ATP13A5: variants seen among roughly 807,000 people sequenced by gnomAD.
The protein encoded by ATP13A5 is ATPase 13A5, also known as probable cation-transporting ATPase 13A5.
ATP13A5 carries 149 observed loss-of-function variants against 150.2 expected under a neutral mutation model. The observed-to-expected ratio is 0.99, with a 90% confidence interval of 0.87 to 1.14. The LOEUF (loss-of-function observed/expected upper bound fraction) is 1.14, where lower values mean the gene tolerates loss of function less well. Ranked by LOEUF, ATP13A5 falls within the 50% of genes most tolerant of loss-of-function variation. The probability of loss-of-function intolerance (pLI) is 0.00; values close to 1 mark genes in which losing one functional copy is unlikely to be tolerated. For synonymous variants in ATP13A5, 497 were observed against 522.2 expected (o/e 0.95, Z 0.66); for missense variants, 1,383 against 1,449.3 (o/e 0.95, Z 0.74).
chr3:193,331,251 C>G lies in ATP13A5; in HGVS notation c.1333G>C (p.Val445Leu). The change falls in exon 12 of 30, where the codon GTG (valine) becomes CTG (leucine). Residue 445 changes from valine to leucine, a missense_variant. Around this residue, in one of 3 missense-constraint regions of ATP13A5, gnomAD observed 787 missense variants for 771.9 expected, o/e 1.02. Coordinates refer to ENST00000342358, the MANE Select transcript of ATP13A5 (RefSeq NM_198505.4). Reference protein sequence around the residue: ...LILLTVTVPPVLPAALTIGNV... With the variant: ...LILLTVTVPPLLPAALTIGNV... Reference sequence around the variant, plus strand: ...CCTATGGTCAGGGCAGCTGGCAGCACTGGAGGGACAGTCACGGTGAGGAGG... The same window carrying G: ...CCTATGGTCAGGGCAGCTGGCAGCAGTGGAGGGACAGTCACGGTGAGGAGG... 6.2e-7 allele frequency: 1 copy of G among 1,614,048 alleles called. No homozygotes were observed. The highest frequency in any genetic ancestry group is 8.5e-7 in the Non-Finnish European group (1 of 1,179,954).
rs370805790 is a variant in ATP13A5 at position 193,311,925 on chromosome 3, G to T, written c.2336C>A (p.Thr779Asn). Reference sequence around the variant, plus strand: ...CCCACGAGGGGTTGAACTGTTTCCAGTATGCATGTAGATTTCCTAAAATCA... The same window carrying T: ...CCCACGAGGGGTTGAACTGTTTCCATTATGCATGTAGATTTCCTAAAATCA... ...GPGKKEIYMHTGNSSTPRGEG... is the reference protein window; with the variant it reads ...GPGKKEIYMHNGNSSTPRGEG... Residue 779 changes from threonine to asparagine, a missense_variant, in exon 20 of 30, where the codon ACT (threonine) becomes AAT (asparagine). By Grantham distance (65) the Thr-to-Asn change is moderately conservative. Around this residue, in one of 3 missense-constraint regions of ATP13A5, gnomAD observed 568 missense variants for 621.5 expected, o/e 0.91. Coordinates refer to ENST00000342358, the MANE Select transcript of ATP13A5 (RefSeq NM_198505.4). 4 of 1,613,640 alleles carry T rather than the reference G, an allele frequency of 2.5e-6. No individual in the cohort carries two copies. In the African/African-American group the frequency reaches 5.3e-5, roughly 22 times the overall value.
In ATP13A5 at chr3:193,315,076, A is replaced by G; in HGVS notation, c.2054T>C (p.Leu685Ser). The G allele has an allele frequency of 1.2e-6, 2 of 1,613,694 alleles. No individual in the cohort carries two copies. Among genetic ancestry groups the G allele is most frequent in the Non-Finnish European group, 1.7e-6 (2 of 1,179,758 alleles). ...CATGATGAGAAGTCCCAGAAATGTT[A>G]ACTCTGACTCCACTTTTTCTCTTTG... Reference protein sequence around the residue: ...HLAREKVESELTFLGLLIMEN... With the variant: ...HLAREKVESESTFLGLLIMEN... Residue 685 changes from leucine to serine, a missense_variant, in exon 18 of 30, where the codon TTA (leucine) becomes TCA (serine). Around this residue, in one of 3 missense-constraint regions of ATP13A5, gnomAD observed 568 missense variants for 621.5 expected, o/e 0.91. Transcript: ENST00000342358.
At chr3:193,301,044 C>T (rs1019184382) in intron 24 of ATP13A5, among the ~76,000 whole-genome samples, 167 bp downstream of exon 24, 7 of 152,174 alleles carry the variant, frequency 4.6e-5, no homozygotes, top group African/African-American at 1.7e-4. Context: ...ATTTCTAGTT[C>T]CACATTTCAT....
intron 13 of ATP13A5, among the ~76,000 whole-genome samples, chr3:193,325,718 T>G (rs1719444438): frequency 6.6e-6 from 1 of 152,232 alleles, no homozygotes; most frequent in Non-Finnish European, 1.5e-5. Flanking sequence ...CCCCTACTTC[T>G]TGAAGCACCC....
intron 9 of ATP13A5, among the ~76,000 whole-genome samples, chr3:193,343,436 T>G (rs951827440): frequency 6.6e-6 from 1 of 152,226 alleles, no homozygotes; most frequent in Non-Finnish European, 1.5e-5. Context: ...CGATCGTCTT[T>G]GCCCGGAGGT....
intron 28 of ATP13A5, 116 bp from the exon 29 acceptor site, chr3:193,276,946 T>C (rs1717245387): frequency 1.3e-6 from 1 of 763,192 alleles, no homozygotes; most frequent in East Asian, 2.8e-5. Context: ...GTGGTGGGCA[T>C]TACTTTGTCC....
intron 6 of ATP13A5, among the ~76,000 whole-genome samples, chr3:193,352,457 C>A (rs753764224): frequency 1.3e-5 from 2 of 150,922 alleles, no homozygotes; most frequent in African/African-American, 2.4e-5. Context: ...ATTTAATATT[C>A]TTTTGAAACC....
intron 9 of ATP13A5, among the ~76,000 whole-genome samples, chr3:193,341,175 C>G (rs200301696): frequency 1.3e-4 from 7 of 55,314 alleles, no homozygotes; most frequent in Admixed American, 3.6e-4. Context: ...CCCCCCCCCT[C>G]CCAAATGATA....
chr3:193,322,186 G>T (rs904968808), intron 15 of ATP13A5, among the ~76,000 whole-genome samples: 20 of 152,284 alleles, frequency 1.3e-4, no homozygotes, highest in African/African-American at 4.8e-4. Flanking sequence ...GGCACATTGT[G>T]TTGCACTTAT....
intron 12 of ATP13A5, among the ~76,000 whole-genome samples, chr3:193,328,655 T>C (rs777103321): frequency 6.6e-6 from 1 of 152,130 alleles, no homozygotes; most frequent in Non-Finnish European, 1.5e-5. Flanking sequence ...GGGAATAAGA[T>C]AGAAAGAGAA....
chr3:193,346,655 A>AT (rs1344497258), intron 7 of ATP13A5, among the ~76,000 whole-genome samples: 2 of 152,176 alleles, frequency 1.3e-5, no homozygotes, highest in Non-Finnish European at 2.9e-5. Context: ...AATGTTACAA[A>AT]TGTCACCAGG....
At chr3:193,342,390 TGTG>T (rs1374723813) in intron 9 of ATP13A5, among the ~76,000 whole-genome samples, 4 of 152,224 alleles carry the variant, frequency 2.6e-5, no homozygotes, top group Admixed American at 2.6e-4. Flanking sequence ...CTATGTAGGC[TGTG>T]CAATAAAGTA....
rs1553820269 is a variant in ATP13A5 at position 193,347,524 on chromosome 3, C to CTTTTTTTT, written c.742-2457_742-2450dup. On this transcript the variant is annotated intron_variant, in intron 7 of 29. Transcript: ENST00000342358. ...AAGATAAAAATCCTTCCTTAGATTT[C>CTTTTTTTT]TTTTTTTTTTGCTTAGAAACTCGTT... Among the ~76,000 whole-genome samples the CTTTTTTTT allele has an allele frequency of 8.4e-3, 1,225 of 145,374 alleles. 24 individuals carry two copies. The highest frequency in any genetic ancestry group is 0.03 in the African/African-American group (1,142 of 38,038).
intron 25 of ATP13A5, among the ~76,000 whole-genome samples, chr3:193,292,157 G>A (rs980829613): frequency 6.6e-6 from 1 of 152,078 alleles, no homozygotes; most frequent in Non-Finnish European, 1.5e-5. Flanking sequence ...CCACGAAGAA[G>A]GGGTACACAG....
intron 6 of ATP13A5, among the ~76,000 whole-genome samples, chr3:193,353,534 G>T (rs1405576431): frequency 6.6e-6 from 1 of 152,080 alleles, no homozygotes; most frequent in African/African-American, 2.4e-5. Context: ...AAATTCATAG[G>T]TTGAAGCCCT....
intron 10 of ATP13A5, 61 bp from the exon 11 acceptor site, chr3:193,333,968 A>G: frequency 1.3e-6 from 2 of 1,526,280 alleles, no homozygotes; most frequent in Non-Finnish European, 1.8e-6. Context: ...TCTCCTAAAA[A>G]TGGCTTTACT....
Position 193,364,290 on chromosome 3 carries a change from A to T in ATP13A5, c.64-10T>A, listed in dbSNP as rs758915961. 1 of 1,602,730 alleles carries T rather than the reference A, an allele frequency of 6.2e-7. No homozygotes were observed. The highest frequency in any genetic ancestry group is 1.7e-5 in the Admixed American group (1 of 57,898). On this transcript the variant is annotated splice_polypyrimidine_tract_variant and intron_variant, in intron 1 of 29. Coordinates refer to ENST00000342358, the MANE Select transcript of ATP13A5 (RefSeq NM_198505.4). Reference sequence around the variant, plus strand: ...GGTAACCAAACACCTCCTGGAGAATAAATTTAAAAGATCGCTCTATTTTTC... The same window carrying T: ...GGTAACCAAACACCTCCTGGAGAATTAATTTAAAAGATCGCTCTATTTTTC...
chr3:193,280,647 T>A (rs971354118), intron 27 of ATP13A5, among the ~76,000 whole-genome samples: 5 of 152,188 alleles, frequency 3.3e-5, no homozygotes, highest in Admixed American at 3.3e-4. Flanking sequence ...AGCATCTCTG[T>A]TCTTATTTCC....
At chr3:193,353,320 A>AG (rs1197640969) in intron 6 of ATP13A5, among the ~76,000 whole-genome samples, 22 of 151,752 alleles carry the variant, frequency 1.4e-4, no homozygotes, top group Non-Finnish European at 2.5e-4. Context: ...GTAAGCATTA[A>AG]AAAAAAAAAT....
Sources: gnomAD v4.1 joint callset for allele counts (sites outside exome capture counted in the v4.1 genomes callset) on GRCh38, gnomAD v4.1.1 for gene constraint, gnomAD v4.1.1 regional missense constraint, MANE v1.5 for transcripts, NCBI Gene and HGNC (gene_info 2026-07-23, HGNC 2026-07-21) for gene names.